DLG2: variants seen among roughly 807,000 people sequenced by gnomAD.
DLG2 encodes the protein discs large MAGUK scaffold protein 2.
DLG2 carries 45 observed loss-of-function variants against 132.5 expected under a neutral mutation model. The ratio of observed to expected loss-of-function variants is 0.34; its 90% CI spans 0.27 to 0.44. The LOEUF (loss-of-function observed/expected upper bound fraction) is 0.44, where lower values mean the gene tolerates loss of function less well. Ranked by LOEUF, DLG2 falls within the 20% of genes least tolerant of loss-of-function variation. The pLI is 1.00. For missense variants in DLG2, 1,045 were observed against 1,196.9 expected, an observed-to-expected ratio of 0.87 and a Z score of 1.87; for synonymous variants, 424 against 419.6, an observed-to-expected ratio of 1.01 and a Z score of -0.13.
intron 3 of DLG2, among the ~76,000 whole-genome samples, chr11:85,478,004 C>A (rs1240341128): frequency 6.6e-6 from 1 of 151,470 alleles, no homozygotes; most frequent in Admixed American, 6.6e-5. Context: ...CTGAGTGGAA[C>A]AATAGCACTT....
intron 8 of DLG2, among the ~76,000 whole-genome samples, chr11:84,216,567 G>C (rs1163400738): frequency 6.6e-6 from 1 of 152,132 alleles, no homozygotes; most frequent in Admixed American, 6.6e-5. Flanking sequence ...GAATAAGAAA[G>C]AGAAAGTTAT....
intron 5 of DLG2, chr11:85,132,708 G>T (rs569253273): frequency 2.2e-6 from 1 of 456,382 alleles, no homozygotes; most frequent in African/African-American, 2.0e-5. Flanking sequence ...GTTTAATTAC[G>T]GGACCAGAAT....
intron 7 of DLG2, among the ~76,000 whole-genome samples, chr11:84,403,293 A>C (rs778355764): frequency 2.0e-5 from 3 of 152,212 alleles, no homozygotes; most frequent in Admixed American, 2.0e-4. Flanking sequence ...CCAGAGCACC[A>C]AATTCATACC....
chr11:84,233,655 G>C (rs1209344953), intron 8 of DLG2, among the ~76,000 whole-genome samples: 1 of 152,178 alleles, frequency 6.6e-6, no homozygotes, highest in Admixed American at 6.5e-5. Context: ...GGTCTAACCA[G>C]TTTTTTGCAC....
At chr11:84,204,867 A>AT (rs1422777474) in intron 8 of DLG2, among the ~76,000 whole-genome samples, 5 of 151,730 alleles carry the variant, frequency 3.3e-5, no homozygotes, top group Admixed American at 2.0e-4. Flanking sequence ...ACACTTGGCT[A>AT]TTTTTTTTGT....
At chr11:84,155,859 G>A (rs2095417999) in intron 9 of DLG2, among the ~76,000 whole-genome samples, 1 of 152,092 alleles carries the variant, frequency 6.6e-6, no homozygotes, top group African/African-American at 2.4e-5. Context: ...ATACCAAGGA[G>A]TTTAAACCTT....
intron 8 of DLG2, among the ~76,000 whole-genome samples, chr11:84,197,634 T>C (rs966002981): frequency 6.6e-6 from 1 of 152,202 alleles, no homozygotes; most frequent in Non-Finnish European, 1.5e-5. Flanking sequence ...TTAAAAATGA[T>C]GTTTGGGAAT....
chr11:85,539,788 G>A (rs1189359470), intron 3 of DLG2, among the ~76,000 whole-genome samples: 1 of 152,130 alleles, frequency 6.6e-6, no homozygotes, highest in Admixed American at 6.5e-5. Context: ...GTAGTACAGG[G>A]GTTACAAGAG....
intron 5 of DLG2, among the ~76,000 whole-genome samples, chr11:85,123,115 C>A (rs349072): frequency 0.011 from 1,691 of 149,964 alleles, 113 homozygotes; most frequent in Admixed American, 0.1. Flanking sequence ...GTAGCTGGAA[C>A]TACAGGCACC....
chr11:85,067,789 T>C (rs2065151035), intron 6 of DLG2, among the ~76,000 whole-genome samples: 1 of 152,064 alleles, frequency 6.6e-6, no homozygotes, highest in Admixed American at 6.6e-5. Flanking sequence ...GAATCCTCCC[T>C]AACTCATTTT....
chr11:83,508,545 A>G (rs1202702004), intron 21 of DLG2, among the ~76,000 whole-genome samples: 2 of 151,374 alleles, frequency 1.3e-5, no homozygotes, highest in African/African-American at 4.9e-5. Flanking sequence ...GCCTGGCCAG[A>G]ATATACATTC....
rs1458158866 is a variant in DLG2, at chr11:85,269,306, C to T, written c.186+15914G>A. 3.3e-5 allele frequency among the ~76,000 whole-genome samples: 5 copies of T among 152,292 alleles called. No homozygotes were observed. In the East Asian group the frequency reaches 9.6e-4, roughly 29 times the overall value. On this transcript the variant is annotated intron_variant, in intron 4 of 27. Coordinates refer to ENST00000376104, the MANE Select transcript of DLG2 (RefSeq NM_001142699.3). Reference sequence around the variant, plus strand: ...GGCCCATCAGAAAACATTTGGTTGGCCTGCTCAGGTCTTTGCACTGTGAAG... The same window carrying T: ...GGCCCATCAGAAAACATTTGGTTGGTCTGCTCAGGTCTTTGCACTGTGAAG...
At chr11:85,065,972 T>G (rs1161031539) in intron 6 of DLG2, among the ~76,000 whole-genome samples, 1 of 151,342 alleles carries the variant, frequency 6.6e-6, no homozygotes, top group Admixed American at 6.6e-5. Flanking sequence ...AGAGCAGAAC[T>G]AAACAAAAGT....
At chr11:85,278,785 TC>T (rs984725516) in intron 4 of DLG2, among the ~76,000 whole-genome samples, 10 of 152,120 alleles carry the variant, frequency 6.6e-5, no homozygotes, top group African/African-American at 1.7e-4. Flanking sequence ...CTAGTAAAAA[TC>T]ATCCTTTCTC....
chr11:84,350,530 C>T (rs1054074754), intron 7 of DLG2, among the ~76,000 whole-genome samples: 1 of 152,128 alleles, frequency 6.6e-6, no homozygotes, highest in Non-Finnish European at 1.5e-5. Context: ...CATGAAGACA[C>T]GGAGTGGTCT....
intron 6 of DLG2, among the ~76,000 whole-genome samples, chr11:84,843,566 C>A (rs1161287255): frequency 6.6e-6 from 1 of 151,674 alleles, no homozygotes; most frequent in East Asian, 1.9e-4. Flanking sequence ...TTCCAGGAAC[C>A]CTCCCAGACA....
intron 6 of DLG2, among the ~76,000 whole-genome samples, chr11:84,773,092 A>T (rs545500354): frequency 6.6e-6 from 1 of 152,178 alleles, no homozygotes; most frequent in East Asian, 1.9e-4. Flanking sequence ...AAACTAAAAA[A>T]GTGCTATTAC....
intron 6 of DLG2, among the ~76,000 whole-genome samples, chr11:84,862,587 T>C (rs1440246477): frequency 2.6e-5 from 4 of 151,972 alleles, no homozygotes; most frequent in South Asian, 2.1e-4. Flanking sequence ...CCATCAATGA[T>C]AGACTGGATA....
intron 3 of DLG2, among the ~76,000 whole-genome samples, chr11:85,430,312 C>G (rs1331497737): frequency 6.6e-6 from 1 of 151,378 alleles, no homozygotes; most frequent in African/African-American, 2.4e-5. Flanking sequence ...TGTAACTAAC[C>G]TGCGCGTTGT....
Sources: gnomAD v4.1 joint callset for allele counts (sites outside exome capture counted in the v4.1 genomes callset) on GRCh38, gnomAD v4.1.1 for gene constraint, MANE v1.5 for transcripts, NCBI Gene and HGNC (gene_info 2026-07-23, HGNC 2026-07-21) for gene names.